COL11A1: variants seen among roughly 807,000 people sequenced by gnomAD.
The protein encoded by COL11A1 is collagen alpha-1(XI) chain.
A neutral mutation model predicts 265.2 loss-of-function variants in COL11A1; 74 were observed. The ratio of observed to expected loss-of-function variants is 0.28; its 90% CI spans 0.23 to 0.34. The LOEUF is 0.34. Ranked by LOEUF, COL11A1 falls within the 10% of genes least tolerant of loss-of-function variation. The pLI, the probability that COL11A1 is intolerant of heterozygous loss-of-function variation, is 1.00. For synonymous variants in COL11A1, 816 were observed against 727.6 expected (o/e 1.12, Z -1.96); for missense variants, 2,165 against 2,263.6 (o/e 0.96, Z 0.88).
chr1:102,936,442 G>T (rs965986315), intron 44 of COL11A1, among the ~76,000 whole-genome samples: 1 of 152,074 alleles, frequency 6.6e-6, no homozygotes, highest in African/African-American at 2.4e-5. Flanking sequence ...TAAATAGTAA[G>T]TATGATTTTG....
intron 12 of COL11A1, among the ~76,000 whole-genome samples, chr1:103,015,068 T>C (rs1191558032): frequency 2.0e-5 from 3 of 152,130 alleles, no homozygotes; most frequent in Admixed American, 1.3e-4. Context: ...TAAGTACTTA[T>C]GTTATAAAAC....
intron 30 of COL11A1, among the ~76,000 whole-genome samples, chr1:102,985,065 T>C (rs1429895442): frequency 2.0e-5 from 3 of 151,854 alleles, no homozygotes; most frequent in Non-Finnish European, 4.4e-5. Flanking sequence ...TTGAATAAAA[T>C]ATGTATGTGG....
chr1:102,982,897 A>C (rs1223582144), intron 31 of COL11A1, among the ~76,000 whole-genome samples: 1 of 152,094 alleles, frequency 6.6e-6, no homozygotes, highest in Non-Finnish European at 1.5e-5. Context: ...TTACAGAAAC[A>C]GGATTTGCCA....
chr1:102,889,491 A>G lies in COL11A1; in HGVS notation c.4428T>C (p.Pro1476=). 1 of 1,613,610 alleles carries G rather than the reference A, an allele frequency of 6.2e-7. No individual in the cohort carries two copies. Among genetic ancestry groups the G allele is most frequent in the Non-Finnish European group, 8.5e-7 (1 of 1,179,804 alleles). Reference sequence around the variant, plus strand: ...TTGCTCCTGGAGATCCTTGAGTTCCAGGGAGCCCTCGGTCACCTTTTTCCC... The same window carrying G: ...TTGCTCCTGGAGATCCTTGAGTTCCGGGGAGCCCTCGGTCACCTTTTTCCC... ...EQGEKGDRGL[P]GTQGSPGAKG... The change falls in exon 59 of 67, where the codon CCT becomes CCC. Residue 1476 remains proline (P), a synonymous_variant. Coordinates refer to ENST00000370096, the MANE Select transcript of COL11A1 (RefSeq NM_001854.4).
rs951996368 is a variant in COL11A1, at chr1:102,926,067, T to A, written c.3601-2678A>T. 4.6e-5 allele frequency among the ~76,000 whole-genome samples: 7 copies of A among 152,200 alleles called. No individual in the cohort carries two copies. In the South Asian group the frequency reaches 1.4e-3, roughly 32 times the overall value. Reference sequence around the variant, plus strand: ...AATTAGTTCAATAAAAATATCCCAATAGAAAAAAATTTATTTATTTTTAAT... The same window carrying A: ...AATTAGTTCAATAAAAATATCCCAAAAGAAAAAAATTTATTTATTTTTAAT... On this transcript the variant is annotated intron_variant, in intron 46 of 66. Transcript: ENST00000370096.
chr1:102,890,022 T>A (rs1570639640), intron 58 of COL11A1, among the ~76,000 whole-genome samples: 1 of 152,194 alleles, frequency 6.6e-6, no homozygotes, highest in African/African-American at 2.4e-5. Context: ...ATACCATTTT[T>A]AAAAAGGCTA....
chr1:102,978,200 T>G (rs924688941), intron 35 of COL11A1, among the ~76,000 whole-genome samples: 10 of 152,180 alleles, frequency 6.6e-5, no homozygotes, highest in Non-Finnish European at 1.3e-4. Context: ...TCATATGTAT[T>G]TGGCTACATC....
chr1:102,967,418 T>A (rs1481743561), intron 37 of COL11A1, among the ~76,000 whole-genome samples: 2 of 151,718 alleles, frequency 1.3e-5, no homozygotes, highest in Non-Finnish European at 2.9e-5. Flanking sequence ...TTTTTTGTAG[T>A]TTTAGTAGAG....
rs376137502 is a variant in COL11A1, at chr1:102,898,701, C to G, written c.4213G>C (p.Gly1405Arg). 8 of 1,612,832 alleles carry G rather than the reference C, an allele frequency of 5.0e-6. No individual in the cohort carries two copies. The highest frequency in any genetic ancestry group is 6.8e-6 in the Non-Finnish European group (8 of 1,179,272). The change falls in exon 56 of 67, where the codon GGT (glycine) becomes CGT (arginine). Residue 1405 changes from glycine (G) to arginine (R), a missense_variant. By Grantham distance (125) the Gly-to-Arg change is moderately radical. Transcript: ENST00000370096. ...VGPQGPAGKP[G>R]PEGLRGIPGP... The stretch of plus-strand genomic sequence containing the variant: ...GGGATGCCCCGAAGACCTTCTGGAC[C>G]AGGCTTTCCTGCAGGTCCCTGAGGA...
At chr1:103,047,989 G>T (rs1669448061) in intron 4 of COL11A1, among the ~76,000 whole-genome samples, 1 of 152,138 alleles carries the variant, frequency 6.6e-6, no homozygotes, top group Non-Finnish European at 1.5e-5. Context: ...TTTATGTGCT[G>T]CTGGATTCAG....
In COL11A1 at chr1:103,078,658, T is replaced by A. The variant is rs1235598642; in HGVS notation, c.488A>T (p.Lys163Met). 6.2e-7 allele frequency: 1 copy of A among 1,612,664 alleles called. No individual in the cohort carries two copies. Among genetic ancestry groups the A allele is most frequent in the Non-Finnish European group, 8.5e-7 (1 of 1,179,040 alleles). Reference sequence around the variant, plus strand: ...AACATTGTATTATTTTGTTACTTACTTCCCGTCAGCGATGTTAACAGTTCT... The same window carrying A: ...AACATTGTATTATTTTGTTACTTACATCCCGTCAGCGATGTTAACAGTTCT... Reference protein sequence around the residue: ...LFRTVNIADGKWHRVAISVEK... With the variant: ...LFRTVNIADGMWHRVAISVEK... Residue 163 changes from lysine (K) to methionine (M), a missense_variant and splice_region_variant, in exon 3 of 67, where the codon AAG becomes ATG. Transcript: ENST00000370096.
intron 47 of COL11A1, 78 bp downstream of exon 47, chr1:102,923,258 G>T: frequency 8.6e-7 from 1 of 1,157,910 alleles, no homozygotes; most frequent in Non-Finnish European, 1.3e-6. Flanking sequence ...AGTAATGAAA[G>T]AACACATAAT....
chr1:102,897,399 T>C (rs1302886802), intron 57 of COL11A1, among the ~76,000 whole-genome samples: 2 of 151,514 alleles, frequency 1.3e-5, no homozygotes, highest in Non-Finnish European at 2.9e-5. Flanking sequence ...CACTTAACTA[T>C]TACTGGATAA....
At chr1:102,962,119 A>G in intron 40 of COL11A1, 57 bp downstream of exon 40, 1 of 1,396,322 alleles carries the variant, frequency 7.2e-7, no homozygotes, top group Admixed American at 1.7e-5. Flanking sequence ...CTGAGAAAAA[A>G]TGCTTCTAAT....
At chr1:103,012,305 T>C in intron 14 of COL11A1, 108 bp downstream of exon 14, 1 of 791,352 alleles carries the variant, frequency 1.3e-6, no homozygotes, top group Non-Finnish European at 2.2e-6. Context: ...CATGAAAACA[T>C]ACCCTATTGT....
intron 15 of COL11A1, among the ~76,000 whole-genome samples, chr1:103,006,632 G>A (rs1665651181): frequency 7.6e-6 from 1 of 131,176 alleles, no homozygotes; most frequent in Non-Finnish European, 1.6e-5. Flanking sequence ...CTGCCTCCCA[G>A]GTTCACACCA....
At chr1:102,996,148 C>A (rs1395231976) in intron 26 of COL11A1, 106 bp from the exon 27 acceptor site, 7 of 1,144,288 alleles carry the variant, frequency 6.1e-6, no homozygotes, top group Non-Finnish European at 9.0e-6. Context: ...TTTTTTTCTA[C>A]TGCTAATATT....
intron 24 of COL11A1, among the ~76,000 whole-genome samples, chr1:102,998,699 C>G (rs980239976): frequency 2.0e-5 from 3 of 151,644 alleles, no homozygotes; most frequent in Non-Finnish European, 4.4e-5. Context: ...TATATTGATT[C>G]ATATCATTAA....
In COL11A1 at chr1:103,108,186, C is replaced by A. The variant is rs1028256951; in HGVS notation, c.-8G>T. The stretch of plus-strand genomic sequence containing the variant: ...AGAGGACCACGGCTCCATCTCCGAG[C>A]CCCGCACTCACAACTGTGAACTCAA... On this transcript the variant is annotated 5_prime_UTR_variant, in exon 1 of 67. Transcript: ENST00000370096. 2.2e-5 allele frequency: 35 copies of A among 1,612,196 alleles called. No individual in the cohort carries two copies. The highest frequency in any genetic ancestry group is 2.9e-5 in the Non-Finnish European group (34 of 1,178,690).
Sources: allele counts gnomAD v4.1 joint callset (sites outside exome capture counted in the v4.1 genomes callset), GRCh38; gene constraint gnomAD v4.1.1; transcripts MANE v1.5; gene names NCBI Gene and HGNC (gene_info 2026-07-23, HGNC 2026-07-21).